Variants in HHIPL1 observed in about 807,000 individuals in gnomAD.
The protein encoded by HHIPL1 is HHIP like 1.
HHIPL1 carries 43 observed loss-of-function variants against 61.8 expected under a neutral mutation model. The ratio of observed to expected loss-of-function variants is 0.70; its 90% CI spans 0.55 to 0.90. The LOEUF is 0.90. Ranked by LOEUF, HHIPL1 falls within the 40% of genes least tolerant of loss-of-function variation. The probability of loss-of-function intolerance (pLI) is 0.00; values close to 1 mark genes in which losing one functional copy is unlikely to be tolerated. For synonymous variants in HHIPL1, 482 were observed against 515.8 expected, an observed-to-expected ratio of 0.93 and a Z score of 0.89; for missense variants, 1,056 against 1,157.7, an observed-to-expected ratio of 0.91 and a Z score of 1.28.
Position 99,652,841 on chromosome 14 carries a change from C to G in HHIPL1, c.873C>G (p.Asp291Glu). 6.2e-7 allele frequency: 1 copy of G among 1,613,934 alleles called. No homozygotes were observed. The highest frequency in any genetic ancestry group is 8.5e-7 in the Non-Finnish European group (1 of 1,179,952). ...GCGAGTTCAGAGTCTCCGAGGATGA[C>G]GAGAACGCCGTGGACCACAGCTCTG... is the stretch of plus-strand genomic sequence containing the variant. The part of the protein sequence containing the change: ...RISEFRVSED[D>E]ENAVDHSSER... The change falls in exon 2 of 9, where the codon GAC becomes GAG. Residue 291 changes from aspartate (D) to glutamate (E), a missense_variant. Physicochemically the swap from Asp to Glu is conservative, Grantham distance 45. Coordinates refer to ENST00000330710, the MANE Select transcript of HHIPL1 (RefSeq NM_001127258.3).
At chr14:99,638,974 A>G in the HHIPL1 span, among the ~76,000 whole-genome samples, 6 of 152,362 alleles carry the variant, frequency 3.9e-5, no homozygotes, top group East Asian at 1.2e-3. Flanking sequence ...AGAGCATTTG[A>G]TCATTCATTC....
At chr14:99,669,661 A>C (rs2056304017) in intron 7 of HHIPL1, among the ~76,000 whole-genome samples, 1 of 152,234 alleles carries the variant, frequency 6.6e-6, no homozygotes, top group South Asian at 2.1e-4. Context: ...TCAGTGGCTC[A>C]CACCTGTAAT....
intron 3 of HHIPL1, among the ~76,000 whole-genome samples, chr14:99,657,477 C>G (rs1486373344): frequency 6.6e-6 from 1 of 152,206 alleles, no homozygotes; most frequent in Admixed American, 6.5e-5. Context: ...TAAGGTCAGC[C>G]TGGCCCTGCC....
the HHIPL1 span, among the ~76,000 whole-genome samples, chr14:99,607,222 T>A: frequency 6.6e-6 from 1 of 151,906 alleles, no homozygotes; most frequent in Non-Finnish European, 1.5e-5. Context: ...TTTTCCCCCA[T>A]AGAGACAGAG....
chr14:99,667,526 G>T (rs2056264929), intron 6 of HHIPL1, among the ~76,000 whole-genome samples: 1 of 152,046 alleles, frequency 6.6e-6, no homozygotes, highest in South Asian at 2.1e-4. Context: ...AGAAGTTGAG[G>T]CTTAGAATGG....
intron 1 of HHIPL1, among the ~76,000 whole-genome samples, chr14:99,651,797 G>A (rs575728737): frequency 6.6e-6 from 1 of 152,290 alleles, no homozygotes; most frequent in South Asian, 2.1e-4. Flanking sequence ...ACAGATAGAG[G>A]CCGGAAGGTA....
chr14:99,655,589 A>G (rs1445534425), intron 2 of HHIPL1, among the ~76,000 whole-genome samples: 1 of 152,106 alleles, frequency 6.6e-6, no homozygotes, highest in East Asian at 1.9e-4. Flanking sequence ...ACATCACTGC[A>G]CTCCGGCCTG....
chr14:99,610,237 G>A, the HHIPL1 span, among the ~76,000 whole-genome samples: 1 of 152,118 alleles, frequency 6.6e-6, no homozygotes. Context: ...TTGCCTCAAT[G>A]CACTTAATAT....
intron 7 of HHIPL1, among the ~76,000 whole-genome samples, chr14:99,670,283 T>C (rs1046250208): frequency 3.9e-5 from 6 of 152,200 alleles, no homozygotes; most frequent in Non-Finnish European, 7.3e-5. Context: ...GGCTAATTTT[T>C]GTATTTTTAG....
chr14:99,660,535 C>G lies in HHIPL1; in HGVS notation c.1502+129C>G. The G allele has an allele frequency of 2.5e-6, 3 of 1,204,004 alleles. No individual in the cohort carries two copies. The highest frequency in any genetic ancestry group is 1.5e-5 in the South Asian group (1 of 68,612). 74.6% of individuals were successfully genotyped at this position (1,204,004 alleles called of 1,614,324 possible). On this transcript the variant is annotated intron_variant, in intron 5 of 8. Coordinates refer to ENST00000330710, the MANE Select transcript of HHIPL1 (RefSeq NM_001127258.3). This position sits in a 1 kb window ranked among gnomAD's most constrained non-coding sequence, Gnocchi z 4.9. The stretch of plus-strand genomic sequence containing the variant: ...TGCCTCGCTGCTCTGACAGGGGCCC[C>G]TAGGTGTGGGCCGGACACCCGCATC...
chr14:99,617,380 C>A, the HHIPL1 span, among the ~76,000 whole-genome samples: 339 of 152,222 alleles, frequency 2.2e-3, 10 homozygotes, highest in East Asian at 0.059. Flanking sequence ...AGAGCTGAAG[C>A]CTCATCTGTC....
chr14:99,617,547 A>G, the HHIPL1 span, among the ~76,000 whole-genome samples: 2 of 152,206 alleles, frequency 1.3e-5, no homozygotes, highest in Non-Finnish European at 2.9e-5. Context: ...GAATCGGGGA[A>G]CCATCTCATT....
At position 99,669,156 on chromosome 14, in the gene HHIPL1, T is replaced by C. The variant is rs541551810; in HGVS notation, c.1730+853T>C. 2.8e-4 allele frequency: 382 copies of C among 1,349,242 alleles called. 2 individuals carry two copies. Among genetic ancestry groups the C allele is most frequent in the Non-Finnish European group, 1.7e-5 (18 of 1,049,636 alleles). The allele number at this position is 1,349,242 out of a possible 1,614,324, so 83.6% of individuals were successfully genotyped here. On this transcript the variant is annotated intron_variant, in intron 7 of 8. Transcript: ENST00000330710. ...ACACGACTGACTCTCTCCCAGCTGC[T>C]CTGGGAGTCTCAGGGCCAAGCCTGT...
intron 8 of HHIPL1, among the ~76,000 whole-genome samples, chr14:99,673,251 T>C (rs1056257828): frequency 6.6e-6 from 1 of 151,660 alleles, no homozygotes; most frequent in Admixed American, 6.6e-5. Flanking sequence ...AGCTCAGTGA[T>C]TTTGGAAGTG....
chr14:99,675,853 T>C lies in HHIPL1; in HGVS notation c.*227T>C. On this transcript the variant is annotated 3_prime_UTR_variant, in exon 9 of 9. Transcript: ENST00000330710. The surrounding 1 kb of genome is among the most constrained non-coding windows in gnomAD (Gnocchi z 5.4). ...GTGGGCTCTGGAAGTGCATGGTCCA[T>C]CATGGGCGGGAGGAGTTCCTTTCTT... 2 of 436,840 alleles carry C rather than the reference T, an allele frequency of 4.6e-6. No homozygotes were observed. The highest frequency in any genetic ancestry group is 8.0e-6 in the Non-Finnish European group (2 of 250,418). 27.1% of individuals were successfully genotyped at this position (436,840 alleles called of 1,614,324 possible). A position where few individuals can be genotyped will look rare whatever the true frequency, so the allele number is the denominator to read the frequency against.
the HHIPL1 span, among the ~76,000 whole-genome samples, chr14:99,617,289 C>T: frequency 6.6e-6 from 1 of 152,184 alleles, no homozygotes; most frequent in Non-Finnish European, 1.5e-5. Context: ...TCATAAAACC[C>T]TTGACCAGCT....
intron 6 of HHIPL1, among the ~76,000 whole-genome samples, chr14:99,663,251 G>A (rs1335213984): frequency 1.3e-5 from 2 of 152,194 alleles, no homozygotes; most frequent in Non-Finnish European, 2.9e-5. Context: ...AGAAATCGGG[G>A]GAAGTCCATA....
intron 7 of HHIPL1, chr14:99,669,190 A>G (rs190924481): frequency 1.6e-6 from 2 of 1,263,658 alleles, no homozygotes; most frequent in African/African-American, 1.5e-5. Context: ...GTATCTCTTC[A>G]CTCTGCAGAG....
chr14:99,634,098 G>A, the HHIPL1 span, among the ~76,000 whole-genome samples: 10 of 152,362 alleles, frequency 6.6e-5, no homozygotes, highest in Non-Finnish European at 1.3e-4. Flanking sequence ...AGCACTCACA[G>A]TTGGCACTGG....
Sources: allele counts gnomAD v4.1 joint callset (sites outside exome capture counted in the v4.1 genomes callset), GRCh38; gene constraint gnomAD v4.1.1; non-coding constraint Gnocchi (gnomAD v3.1); transcripts MANE v1.5; gene names NCBI Gene and HGNC (gene_info 2026-07-23, HGNC 2026-07-21).